DGKG: variants seen among roughly 807,000 people sequenced by gnomAD.
DGKG encodes the protein DAG kinase gamma.
A neutral mutation model predicts 105.3 loss-of-function variants in DGKG; 78 were observed. The observed-to-expected ratio is 0.74, with a 90% confidence interval of 0.62 to 0.89. DGKG has a LOEUF of 0.89. Ranked by LOEUF, DGKG falls within the 40% of genes least tolerant of loss-of-function variation. The pLI is 0.00. For missense variants in DGKG, 958 were observed against 1,020.1 expected (o/e 0.94, Z 0.83); for synonymous variants, 346 against 367.1 (o/e 0.94, Z 0.66).
intron 17 of DGKG, among the ~76,000 whole-genome samples, chr3:186,256,900 C>T (rs1380998546): frequency 6.6e-6 from 1 of 152,210 alleles, no homozygotes; most frequent in Non-Finnish European, 1.5e-5. Flanking sequence ...GTGCCCCTTC[C>T]CTGCTGTACT....
intron 2 of DGKG, among the ~76,000 whole-genome samples, chr3:186,310,471 T>C (rs2108629756): frequency 6.6e-6 from 1 of 152,314 alleles, no homozygotes; most frequent in East Asian, 1.9e-4. Context: ...TCCTTGGATG[T>C]CCTTATATAC....
chr3:186,316,292 C>G (rs998973716), intron 2 of DGKG, among the ~76,000 whole-genome samples: 1 of 152,142 alleles, frequency 6.6e-6, no homozygotes, highest in African/African-American at 2.4e-5. Flanking sequence ...CAATAGGTAA[C>G]TGAAACATAT....
intron 1 of DGKG, among the ~76,000 whole-genome samples, chr3:186,329,635 G>A (rs1400966088): frequency 2.6e-5 from 4 of 152,170 alleles, no homozygotes; most frequent in African/African-American, 9.7e-5. Flanking sequence ...AAGCTACAAA[G>A]ATAAAAACCT....
At chr3:186,177,754 G>A (rs1245381849) in intron 22 of DGKG, among the ~76,000 whole-genome samples, 1 of 152,206 alleles carries the variant, frequency 6.6e-6, no homozygotes, top group Non-Finnish European at 1.5e-5. Flanking sequence ...ATCCTACTGA[G>A]CTTCAGTGTC....
At chr3:186,283,855 T>A (rs952391587) in intron 7 of DGKG, among the ~76,000 whole-genome samples, 6 of 152,152 alleles carry the variant, frequency 3.9e-5, no homozygotes, top group Non-Finnish European at 7.4e-5. Context: ...GATGATTCAG[T>A]TTGTCTAGTG....
intron 5 of DGKG, among the ~76,000 whole-genome samples, chr3:186,290,750 G>C (rs925750690): frequency 6.6e-6 from 1 of 152,192 alleles, no homozygotes; most frequent in Non-Finnish European, 1.5e-5. Context: ...CTGGAGAGGA[G>C]GGTATGCACA....
intron 17 of DGKG, among the ~76,000 whole-genome samples, chr3:186,254,112 C>T (rs1273673709): frequency 6.6e-6 from 1 of 152,148 alleles, no homozygotes; most frequent in Non-Finnish European, 1.5e-5. Flanking sequence ...ATTGTCTAGG[C>T]TGGGAGAGCT....
chr3:186,340,873 C>T (rs889474757), intron 1 of DGKG, among the ~76,000 whole-genome samples: 1 of 152,198 alleles, frequency 6.6e-6, no homozygotes, highest in Non-Finnish European at 1.5e-5. Flanking sequence ...CCCTTTCTCT[C>T]CATTAAATTC....
At chr3:186,281,427 G>A (rs796546369) in intron 7 of DGKG, among the ~76,000 whole-genome samples, 17 of 152,202 alleles carry the variant, frequency 1.1e-4, no homozygotes, top group African/African-American at 3.9e-4. Context: ...TGAGAGCCCC[G>A]CTGAAACACA....
rs187876582 is a variant in DGKG at position 186,226,890 on chromosome 3, A to T, written c.1827-15005T>A. 7.5e-4 allele frequency among the ~76,000 whole-genome samples: 114 copies of T among 152,346 alleles called. No homozygotes were observed. Among genetic ancestry groups the T allele is most frequent in the African/African-American group, 2.7e-3 (112 of 41,578 alleles). On this transcript the variant is annotated intron_variant, in intron 20 of 24. Transcript: ENST00000265022. The surrounding 1 kb of genome is among the most constrained non-coding windows in gnomAD (Gnocchi z 4.2). ...GTGTTAGTAATTTGAGGGTATAAGT[A>T]CATTCTTGAAGTGAGAAGAGCCCCT...
At chr3:186,158,476 A>G (rs1168070084) in intron 24 of DGKG, 5 of 966,842 alleles carry the variant, frequency 5.2e-6, no homozygotes, top group Admixed American at 6.2e-5. Flanking sequence ...TATTCACTTA[A>G]TCTTCTATTA....
chr3:186,156,347 A>C (rs1578598842), intron 24 of DGKG, among the ~76,000 whole-genome samples: 2 of 152,204 alleles, frequency 1.3e-5, no homozygotes, highest in African/African-American at 4.8e-5. Context: ...AATTTCTTGG[A>C]TATCATATGC....
At chr3:186,291,388 C>T (rs957307410) in intron 5 of DGKG, among the ~76,000 whole-genome samples, 4 of 151,730 alleles carry the variant, frequency 2.6e-5, no homozygotes, top group African/African-American at 9.7e-5. Context: ...TTAAATAAGA[C>T]CAAATAAACA....
At chr3:186,215,894 C>CA (rs1344861233) in intron 20 of DGKG, among the ~76,000 whole-genome samples, 1 of 151,862 alleles carries the variant, frequency 6.6e-6, no homozygotes, top group Non-Finnish European at 1.5e-5. Context: ...TCCATCCATC[C>CA]ATCCATTAAA....
intron 18 of DGKG, among the ~76,000 whole-genome samples, 175 bp from the exon 19 acceptor site, chr3:186,252,094 T>C (rs1016984640): frequency 6.6e-6 from 1 of 152,148 alleles, no homozygotes; most frequent in Admixed American, 6.5e-5. Context: ...GCAGGATAAC[T>C]GAAAGTAATC....
intron 1 of DGKG, among the ~76,000 whole-genome samples, chr3:186,360,119 G>A (rs1239573594): frequency 6.6e-6 from 1 of 152,120 alleles, no homozygotes; most frequent in Non-Finnish European, 1.5e-5. Flanking sequence ...GTCCGGGTTG[G>A]AGGGATCCTC....
intron 22 of DGKG, among the ~76,000 whole-genome samples, chr3:186,169,143 T>C (rs1015774585): frequency 2.0e-5 from 3 of 152,206 alleles, no homozygotes; most frequent in African/African-American, 7.2e-5. Flanking sequence ...ATAAGTGATA[T>C]GGTATCTATA....
chr3:186,324,355 T>G (rs1171626969), intron 1 of DGKG, among the ~76,000 whole-genome samples: 1 of 152,124 alleles, frequency 6.6e-6, no homozygotes, highest in Admixed American at 6.6e-5. Flanking sequence ...AAAAGCTTAC[T>G]GGGTTGGTGT....
intron 22 of DGKG, among the ~76,000 whole-genome samples, chr3:186,171,866 TC>T (rs1310264928): frequency 6.6e-6 from 1 of 151,916 alleles, no homozygotes; most frequent in Non-Finnish European, 1.5e-5. Flanking sequence ...TTTTTTTTTT[TC>T]CCCCGATATT....
Sources: allele counts gnomAD v4.1 joint callset (sites outside exome capture counted in the v4.1 genomes callset), GRCh38; gene constraint gnomAD v4.1.1; non-coding constraint Gnocchi (gnomAD v3.1); transcripts MANE v1.5; gene names NCBI Gene and HGNC (gene_info 2026-07-23, HGNC 2026-07-21).